ADAMTS16: variants seen among roughly 807,000 people sequenced by gnomAD.
ADAMTS16 encodes A disintegrin and metalloproteinase with thrombospondin motifs 16.
A neutral mutation model predicts 145.8 loss-of-function variants in ADAMTS16; 94 were observed. That is an observed-to-expected ratio of 0.64 (90% CI 0.55 to 0.77). The LOEUF (loss-of-function observed/expected upper bound fraction) is 0.77, where lower values mean the gene tolerates loss of function less well. ADAMTS16 is among the 30% of genes least tolerant of loss of function. The pLI, the probability that ADAMTS16 is intolerant of heterozygous loss-of-function variation, is 0.00. For synonymous variants in ADAMTS16, 659 were observed against 604.3 expected (o/e 1.09, Z -1.33); for missense variants, 1,585 against 1,591.5 (o/e 1.00, Z 0.07).
chr5:5,268,527 C>A (rs554059827), intron 18 of ADAMTS16, among the ~76,000 whole-genome samples: 7 of 152,168 alleles, frequency 4.6e-5, no homozygotes, highest in Non-Finnish European at 1.0e-4. Context: ...CTTGACTGTC[C>A]ATCAAATGGT....
rs73738806 is a variant in ADAMTS16 at position 5,303,661 on chromosome 5, C to G, written c.3081C>G (p.Asp1027Glu). The G allele has an allele frequency of 2.5e-6, 4 of 1,613,964 alleles. No homozygotes were observed. The South Asian group carries it at 4.4e-5, about 18-fold the overall frequency. Residue 1027 changes from aspartate (D) to glutamate (E), a missense_variant, in exon 20 of 23, where the codon GAC becomes GAG. Around this residue, in one of 3 missense-constraint regions of ADAMTS16, gnomAD observed 834 missense variants for 811.7 expected, o/e 1.03. Transcript: ENST00000274181. ...CGGCCAGAGCGCAGCTGCTGCCCGACGCTGTCTGCACCTCCGAGCCCAAGC... is the reference window on the plus strand; with the variant it reads ...CGGCCAGAGCGCAGCTGCTGCCCGAGGCTGTCTGCACCTCCGAGCCCAAGC... Reference protein sequence around the residue: ...NPSARAQLLPDAVCTSEPKPR... With the variant: ...NPSARAQLLPEAVCTSEPKPR...
chr5:5,215,708 ATATATGTGG>A (rs201821638), intron 10 of ADAMTS16, among the ~76,000 whole-genome samples: 19 of 116,406 alleles, frequency 1.6e-4, no homozygotes, highest in African/African-American at 5.9e-4. Flanking sequence ...ATATATATAT[ATATATGTGG>A]TATATATATA....
chr5:5,264,538 G>C (rs746831469), intron 18 of ADAMTS16, among the ~76,000 whole-genome samples: 2 of 152,128 alleles, frequency 1.3e-5, no homozygotes, highest in Admixed American at 1.3e-4. Context: ...GGGAGGCACC[G>C]TCTCTTTTTG....
At chr5:5,301,584 C>G (rs1365821443) in intron 18 of ADAMTS16, among the ~76,000 whole-genome samples, 2 of 152,224 alleles carry the variant, frequency 1.3e-5, no homozygotes, top group African/African-American at 4.8e-5. Flanking sequence ...CTCGAGAACA[C>G]TTCTCCCAGG....
intron 18 of ADAMTS16, among the ~76,000 whole-genome samples, chr5:5,266,238 C>T (rs762456865): frequency 6.6e-6 from 1 of 152,124 alleles, no homozygotes; most frequent in African/African-American, 2.4e-5. Context: ...AGAAAACTCA[C>T]CCCAACACAG....
Position 5,140,754 on chromosome 5 carries a change from A to T in ADAMTS16, c.163A>T (p.Met55Leu). ...TCCACCCGCGGAGCGGCCGGGCTGG[A>T]TGGAAAAGGGCGGTAAGTCCGTGAG... ...PPPPAERPGW[M>L]EKGEYDLVSA... The change falls in exon 2 of 23, where the codon ATG (methionine) becomes TTG (leucine). Residue 55 changes from methionine (M) to leucine (L), a missense_variant. Around this residue, in one of 3 missense-constraint regions of ADAMTS16, gnomAD observed 453 missense variants for 412.1 expected, o/e 1.10. Transcript: ENST00000274181. The T allele has an allele frequency of 3.8e-6, 6 of 1,564,668 alleles. No individual in the cohort carries two copies. The highest frequency in any genetic ancestry group is 1.4e-5 in the African/African-American group (1 of 73,914).
At chr5:5,315,460 A>AT (rs943241222) in intron 21 of ADAMTS16, among the ~76,000 whole-genome samples, 28 of 152,134 alleles carry the variant, frequency 1.8e-4, no homozygotes, top group African/African-American at 6.5e-4. Context: ...CAAAAAAAAA[A>AT]ACCAATGGCT....
At chr5:5,298,885 C>T (rs993116275) in intron 18 of ADAMTS16, among the ~76,000 whole-genome samples, 5 of 152,250 alleles carry the variant, frequency 3.3e-5, no homozygotes, top group Middle Eastern at 3.4e-3. Context: ...GTCAGTGACA[C>T]GAATGGTTTA....
At chr5:5,245,439 T>G (rs1203386805) in intron 17 of ADAMTS16, among the ~76,000 whole-genome samples, 1 of 152,224 alleles carries the variant, frequency 6.6e-6, no homozygotes, top group African/African-American at 2.4e-5. Flanking sequence ...TGAAAATTCT[T>G]GACCTGATTC....
chr5:5,279,653 C>T (rs968458784), intron 18 of ADAMTS16, among the ~76,000 whole-genome samples: 1 of 137,904 alleles, frequency 7.3e-6, no homozygotes, highest in Non-Finnish European at 1.6e-5. Flanking sequence ...TTCAGATGTC[C>T]ATCTCTTTGT....
At chr5:5,163,085 G>A (rs1171483691) in intron 3 of ADAMTS16, among the ~76,000 whole-genome samples, 1 of 152,156 alleles carries the variant, frequency 6.6e-6, no homozygotes, top group Non-Finnish European at 1.5e-5. Flanking sequence ...GACCAAAAAG[G>A]GTGAGGGTCT....
chr5:5,318,747 T>G (rs1228980984), intron 22 of ADAMTS16, among the ~76,000 whole-genome samples: 1 of 152,230 alleles, frequency 6.6e-6, no homozygotes, highest in South Asian at 2.1e-4. Flanking sequence ...AATTGGAGAA[T>G]TGAAATTCAG....
intron 9 of ADAMTS16, 123 bp downstream of exon 9, chr5:5,200,392 T>A (rs944364000): frequency 1.6e-6 from 2 of 1,281,314 alleles, no homozygotes; most frequent in Non-Finnish European, 2.1e-6. Flanking sequence ...TTTGAAGGTG[T>A]CTTGAGACAT....
chr5:5,251,435 T>C (rs1737618472), intron 17 of ADAMTS16, among the ~76,000 whole-genome samples: 1 of 152,242 alleles, frequency 6.6e-6, no homozygotes, highest in African/African-American at 2.4e-5. Flanking sequence ...CAAATAATGC[T>C]TCTATACTCC....
chr5:5,170,174 C>T (rs1007202530), intron 3 of ADAMTS16, among the ~76,000 whole-genome samples: 1 of 152,090 alleles, frequency 6.6e-6, no homozygotes, highest in Non-Finnish European at 1.5e-5. Context: ...CAATAGTATA[C>T]GAGGATTCCC....
chr5:5,196,068 AT>A (rs1459732117), intron 8 of ADAMTS16, among the ~76,000 whole-genome samples: 1 of 152,014 alleles, frequency 6.6e-6, no homozygotes, highest in African/African-American at 2.4e-5. Context: ...TCTACTAAAA[AT>A]ACAAAAATTA....
At chr5:5,168,643 AT>A (rs1734956575) in intron 3 of ADAMTS16, among the ~76,000 whole-genome samples, 1 of 99,114 alleles carries the variant, frequency 1.0e-5, no homozygotes, top group East Asian at 2.2e-4. Flanking sequence ...AATATATATA[AT>A]TATATTTATA....
intron 3 of ADAMTS16, among the ~76,000 whole-genome samples, chr5:5,147,336 C>T (rs781405931): frequency 2.0e-5 from 3 of 152,062 alleles, no homozygotes; most frequent in Non-Finnish European, 2.9e-5. Flanking sequence ...AGGTCTGGGA[C>T]GTTTATTGCT....
At chr5:5,140,792 A>G (rs1203474163) in intron 2 of ADAMTS16, 26 bp downstream of exon 2, 2 of 1,526,268 alleles carry the variant, frequency 1.3e-6, no homozygotes, top group Non-Finnish European at 1.8e-6. Context: ...GGGGGCTTCT[A>G]ATCCTTGCCA....
Sources: allele counts gnomAD v4.1 joint callset (sites outside exome capture counted in the v4.1 genomes callset), GRCh38; gene constraint gnomAD v4.1.1; regional missense constraint gnomAD v4.1.1; transcripts MANE v1.5; gene names NCBI Gene and HGNC (gene_info 2026-07-23, HGNC 2026-07-21).